Variants in PDE1A observed in about 807,000 individuals in gnomAD.
The protein encoded by PDE1A is dual specificity calcium/calmodulin-dependent 3',5'-cyclic nucleotide phosphodiesterase 1A.
Under a neutral mutation model 61.7 loss-of-function variants are expected in PDE1A, and 35 were observed. The ratio of observed to expected loss-of-function variants is 0.57; its 90% CI spans 0.43 to 0.75. PDE1A has a LOEUF of 0.75. Ranked by LOEUF, PDE1A falls within the 30% of genes least tolerant of loss-of-function variation. The pLI is 0.00. For missense variants in PDE1A, 597 were observed against 630.6 expected (o/e 0.95, Z 0.57); for synonymous variants, 232 against 213.2 (o/e 1.09, Z -0.77).
At chr2:182,589,269 G>GAGGAAGGAAGGA in the PDE1A span, among the ~76,000 whole-genome samples, 202 of 121,842 alleles carry the variant, frequency 1.7e-3, 1 homozygote, top group South Asian at 5.1e-3. Context: ...GGGAGGGAGG[G>GAGGAAGGAAGGA]AGGAAGGAAG....
chr2:182,362,527 C>A (rs942563063), intron 1 of PDE1A, among the ~76,000 whole-genome samples: 2 of 151,974 alleles, frequency 1.3e-5, no homozygotes, highest in Non-Finnish European at 2.9e-5. Flanking sequence ...ATGTTAAAAC[C>A]AAGAAACTCC....
chr2:182,249,968 G>C (rs1019941504), intron 2 of PDE1A, among the ~76,000 whole-genome samples: 1 of 152,120 alleles, frequency 6.6e-6, no homozygotes, highest in African/African-American at 2.4e-5. Context: ...ATAGACTGAG[G>C]CACAGATGTC....
intron 3 of PDE1A, 43 bp downstream of exon 3, chr2:182,240,067 C>T (rs1346638821): frequency 5.8e-6 from 9 of 1,557,766 alleles, no homozygotes; most frequent in Non-Finnish European, 7.9e-6. Context: ...TATCTGCTGC[C>T]TTTCAAATGT....
At chr2:182,274,423 A>G (rs1463457224) in intron 1 of PDE1A, among the ~76,000 whole-genome samples, 1 of 152,124 alleles carries the variant, frequency 6.6e-6, no homozygotes, top group East Asian at 1.9e-4. Flanking sequence ...CAACACAAAA[A>G]TATCTAAAAA....
intron 1 of PDE1A, among the ~76,000 whole-genome samples, chr2:182,290,682 A>G (rs552105969): frequency 6.6e-6 from 1 of 151,878 alleles, no homozygotes; most frequent in East Asian, 1.9e-4. Context: ...CCTTTTTTAG[A>G]GCCTTTTACT....
intron 2 of PDE1A, among the ~76,000 whole-genome samples, chr2:182,455,622 C>T (rs1373803249): frequency 6.6e-6 from 1 of 151,960 alleles, no homozygotes; most frequent in Non-Finnish European, 1.5e-5. Context: ...ATGGATGAAA[C>T]CGGAAGCCAT....
downstream of PDE1A, chr2:182,147,025 A>G (rs1690531743): frequency 8.6e-7 from 1 of 1,163,018 alleles, no homozygotes; most frequent in Admixed American, 2.0e-5. Context: ...TGGTCTATAA[A>G]ATAAAATTAC....
At chr2:182,605,882 A>G in the PDE1A span, among the ~76,000 whole-genome samples, 1 of 152,204 alleles carries the variant, frequency 6.6e-6, no homozygotes, top group Non-Finnish European at 1.5e-5. Context: ...CAAAATTCCA[A>G]TTAAACACAC....
intron 2 of PDE1A, among the ~76,000 whole-genome samples, chr2:182,448,013 G>A (rs909463029): frequency 6.6e-6 from 1 of 152,008 alleles, no homozygotes; most frequent in Non-Finnish European, 1.5e-5. Context: ...ATGTGATCTT[G>A]TTTCACAACC....
At chr2:182,447,599 C>A (rs1222607575) in intron 2 of PDE1A, among the ~76,000 whole-genome samples, 1 of 152,060 alleles carries the variant, frequency 6.6e-6, no homozygotes, top group Non-Finnish European at 1.5e-5. Context: ...GCACACATGC[C>A]TACCCTGTAA....
chr2:182,444,469 A>G (rs1383854984), intron 2 of PDE1A, among the ~76,000 whole-genome samples: 1 of 152,102 alleles, frequency 6.6e-6, no homozygotes, highest in Non-Finnish European at 1.5e-5. Context: ...TGAGAGAATA[A>G]CTCATCTTTG....
intron 2 of PDE1A, among the ~76,000 whole-genome samples, chr2:182,240,928 T>C (rs1466269811): frequency 1.3e-5 from 2 of 152,000 alleles, no homozygotes; most frequent in African/African-American, 2.4e-5. Flanking sequence ...ATCAAATAGA[T>C]TATGTTTAAA....
chr2:182,344,536 A>G (rs1340635312), intron 1 of PDE1A, among the ~76,000 whole-genome samples: 1 of 152,136 alleles, frequency 6.6e-6, no homozygotes, highest in Non-Finnish European at 1.5e-5. Context: ...CTCCACTTGT[A>G]GTCATGGCCT....
chr2:182,387,424 AAAAGAAGAAAGAAAGAGAGAAAGAAAG>A (rs1213104757), intron 1 of PDE1A, among the ~76,000 whole-genome samples: 2 of 152,100 alleles, frequency 1.3e-5, no homozygotes, highest in Non-Finnish European at 2.9e-5. Flanking sequence ...TAAAAAAAAA[AAAAGAAGAAAGAAAGAGAGAAAGAAAG>A]AAAGAAGAAA....
At chr2:182,402,404 G>T (rs1332580765) in intron 1 of PDE1A, among the ~76,000 whole-genome samples, 1 of 152,116 alleles carries the variant, frequency 6.6e-6, no homozygotes, top group Non-Finnish European at 1.5e-5. Flanking sequence ...TGACAAACCT[G>T]ACAAAAACAA....
intron 1 of PDE1A, among the ~76,000 whole-genome samples, chr2:182,358,248 A>G (rs905581692): frequency 1.2e-4 from 18 of 152,022 alleles, no homozygotes; most frequent in African/African-American, 4.4e-4. Flanking sequence ...CTTCCTTTCC[A>G]TATTTATCTC....
intron 1 of PDE1A, among the ~76,000 whole-genome samples, chr2:182,315,773 G>A (rs1696299752): frequency 6.6e-6 from 1 of 152,186 alleles, no homozygotes; most frequent in Non-Finnish European, 1.5e-5. Flanking sequence ...GTAGGAGAGA[G>A]AAATATTCTT....
At chr2:182,420,536 A>G (rs1321665476) in intron 1 of PDE1A, among the ~76,000 whole-genome samples, 1 of 152,202 alleles carries the variant, frequency 6.6e-6, no homozygotes, top group Non-Finnish European at 1.5e-5. Flanking sequence ...TTAAAGCTGA[A>G]GTGATGGTTT....
chr2:182,357,762 G>A (rs952829407), intron 1 of PDE1A, among the ~76,000 whole-genome samples: 4 of 152,188 alleles, frequency 2.6e-5, no homozygotes, highest in African/African-American at 4.8e-5. Flanking sequence ...CAATTCTGTT[G>A]TATTCTGAAT....
Sources: gnomAD v4.1 joint callset for allele counts (sites outside exome capture counted in the v4.1 genomes callset) on GRCh38, gnomAD v4.1.1 for gene constraint, MANE v1.5 for transcripts, NCBI Gene and HGNC (gene_info 2026-07-23, HGNC 2026-07-21) for gene names.